The following ARHGEF12 variants were observed in gnomAD, a reference collection of about 807,000 sequenced individuals.
The protein encoded by ARHGEF12 is Rho guanine nucleotide exchange factor 12.
In ARHGEF12, 66 loss-of-function variants were observed where a neutral mutation model predicts 211.2. The observed-to-expected ratio is 0.31, with a 90% CI of 0.26 to 0.38. The LOEUF is 0.38. Ranked by LOEUF, ARHGEF12 falls within the 10% of genes least tolerant of loss-of-function variation. The pLI is 1.00. For synonymous variants in ARHGEF12, 592 were observed against 638.4 expected (o/e 0.93, Z 1.09); for missense variants, 1,429 against 1,869.5 (o/e 0.76, Z 4.34).
At chr11:120,337,300 C>CA (rs1331732773) in intron 1 of ARHGEF12, 25 bp downstream of exon 1, 2 of 1,613,724 alleles carry the variant, frequency 1.2e-6, no homozygotes, top group South Asian at 2.2e-5. Flanking sequence ...CTCCTTCGTT[C>CA]GGCCTCCCGG....
chr11:120,477,479 TAAA>T lies in ARHGEF12; in HGVS notation c.3487_3489del (p.Lys1163del). On this transcript the variant is annotated inframe_deletion, in exon 36 of 41. Transcript: ENST00000397843. Reference sequence around the variant, plus strand: ...AATGATGAAGAAGATCCTTCAAAATTAAAAGAGGAGCAGCATGGCATTTCAGTC... The same window carrying T: ...AATGATGAAGAAGATCCTTCAAAATTAGAGGAGCAGCATGGCATTTCAGTC... The T allele has an allele frequency of 6.2e-7, 1 of 1,611,178 alleles. No individual in the cohort carries two copies. The highest frequency in any genetic ancestry group is 1.1e-5 in the South Asian group (1 of 90,944).
intron 1 of ARHGEF12, among the ~76,000 whole-genome samples, chr11:120,363,405 G>T (rs1943333240): frequency 6.6e-6 from 1 of 152,122 alleles, no homozygotes; most frequent in Non-Finnish European, 1.5e-5. Context: ...CCTGTTTCCA[G>T]AAATGTCTTA....
chr11:120,406,683 C>A (rs12363975), intron 2 of ARHGEF12, among the ~76,000 whole-genome samples: 28,278 of 152,054 alleles, frequency 0.19, 2,957 homozygotes, highest in Non-Finnish European at 0.23. Flanking sequence ...CTCAGCCTCC[C>A]GAGTAGCTGG....
intron 22 of ARHGEF12, among the ~76,000 whole-genome samples, chr11:120,455,863 T>G (rs1196820978): frequency 6.6e-6 from 1 of 152,178 alleles, no homozygotes; most frequent in Non-Finnish European, 1.5e-5. Context: ...TTAGAAATGT[T>G]AAGAAAAACA....
chr11:120,451,721 A>G lies in ARHGEF12; in HGVS notation c.2053A>G (p.Thr685Ala). The G allele has an allele frequency of 6.2e-7, 1 of 1,613,302 alleles. No homozygotes were observed. Among genetic ancestry groups the G allele is most frequent in the South Asian group, 1.1e-5 (1 of 90,868 alleles). ...FSQEGGKEND[T>A]GSKQVGETSA... ...CCAGGAAGGAGGGAAAGAGAATGAT[A>G]CAGGTGAGCTATTACTGTAGTTCAG... is the stretch of plus-strand genomic sequence containing the variant. The change falls in exon 22 of 41, where the codon ACA (threonine) becomes GCA (alanine). Residue 685 changes from threonine to alanine, a missense_variant. Coordinates refer to ENST00000397843, the MANE Select transcript of ARHGEF12 (RefSeq NM_015313.3).
At chr11:120,423,371 A>G (rs989838533) in intron 6 of ARHGEF12, among the ~76,000 whole-genome samples, 2 of 152,176 alleles carry the variant, frequency 1.3e-5, no homozygotes, top group African/African-American at 4.8e-5. Flanking sequence ...AAGAAAGTAT[A>G]TAACATGTGA....
chr11:120,452,382 C>T (rs1255029402), intron 22 of ARHGEF12, among the ~76,000 whole-genome samples: 1 of 152,064 alleles, frequency 6.6e-6, no homozygotes, highest in East Asian at 1.9e-4. Flanking sequence ...GGGCAAGGAG[C>T]TTATTACCAT....
intron 4 of ARHGEF12, among the ~76,000 whole-genome samples, chr11:120,413,706 G>A (rs1315005253): frequency 6.6e-6 from 1 of 152,184 alleles, no homozygotes; most frequent in Non-Finnish European, 1.5e-5. Context: ...CATAAAACAT[G>A]TATGTCTGGC....
intron 3 of ARHGEF12, 141 bp from the exon 4 acceptor site, chr11:120,409,253 T>G (rs780600885): frequency 1.5e-4 from 106 of 691,980 alleles, no homozygotes; most frequent in Middle Eastern, 5.2e-4. Flanking sequence ...CTATTCTAAG[T>G]GCTGTCATCT....
At chr11:120,466,665 A>T (rs1946714290) in intron 28 of ARHGEF12, among the ~76,000 whole-genome samples, 1 of 152,246 alleles carries the variant, frequency 6.6e-6, no homozygotes, top group South Asian at 2.1e-4. Flanking sequence ...TCATTCACTT[A>T]TGCCAAAACA....
chr11:120,457,365 C>G (rs1262913693), intron 23 of ARHGEF12, 115 bp downstream of exon 23: 1 of 1,235,040 alleles, frequency 8.1e-7, no homozygotes, highest in Non-Finnish European at 1.1e-6. Flanking sequence ...TGGTATGTAC[C>G]TATAATGCCA....
chr11:120,453,414 T>G (rs545606330), intron 22 of ARHGEF12, among the ~76,000 whole-genome samples: 5 of 151,944 alleles, frequency 3.3e-5, no homozygotes, highest in Non-Finnish European at 7.4e-5. Flanking sequence ...CTTGGGAGAT[T>G]GAAAGCAGAC....
At chr11:120,374,328 A>T (rs1293290083) in intron 1 of ARHGEF12, among the ~76,000 whole-genome samples, 1 of 152,166 alleles carries the variant, frequency 6.6e-6, no homozygotes, top group East Asian at 1.9e-4. Flanking sequence ...AGCAGTTTTG[A>T]CATTGCTGGG....
chr11:120,362,619 GA>G (rs1450604854), intron 1 of ARHGEF12, among the ~76,000 whole-genome samples: 5 of 152,012 alleles, frequency 3.3e-5, no homozygotes, highest in Non-Finnish European at 5.9e-5. Flanking sequence ...ACTTGTCACT[GA>G]AAAAAAATTC....
chr11:120,355,732 C>G (rs1359235028), intron 1 of ARHGEF12, among the ~76,000 whole-genome samples: 1 of 152,070 alleles, frequency 6.6e-6, no homozygotes, highest in Non-Finnish European at 1.5e-5. Flanking sequence ...TAAAAAAACC[C>G]AGATCTTTTT....
chr11:120,421,725 G>A (rs1205699252), intron 5 of ARHGEF12, 78 bp from the exon 6 acceptor site: 2 of 1,381,926 alleles, frequency 1.4e-6, no homozygotes, highest in Admixed American at 3.5e-5. Context: ...TAACCAGTTT[G>A]TTATACTGTC....
intron 22 of ARHGEF12, among the ~76,000 whole-genome samples, chr11:120,456,665 A>G (rs549863201): frequency 9.9e-5 from 15 of 152,214 alleles, no homozygotes; most frequent in South Asian, 4.2e-4. Context: ...AGTCCTTGCT[A>G]TTTCTTACGT....
intron 3 of ARHGEF12, chr11:120,408,460 C>T (rs527390527): frequency 6.6e-6 from 1 of 152,162 alleles, no homozygotes; most frequent in African/African-American, 2.4e-5. Context: ...AAGCTTACTC[C>T]ATATTTGATT....
chr11:120,437,208 A>C, intron 11 of ARHGEF12, 100 bp from the exon 12 acceptor site: 1 of 745,622 alleles, frequency 1.3e-6, no homozygotes, highest in Non-Finnish European at 2.1e-6. Flanking sequence ...TTGTAAATAC[A>C]AATATGAAAT....
Sources: gnomAD v4.1 joint callset for allele counts (sites outside exome capture counted in the v4.1 genomes callset) on GRCh38, gnomAD v4.1.1 for gene constraint, MANE v1.5 for transcripts, NCBI Gene and HGNC (gene_info 2026-07-23, HGNC 2026-07-21) for gene names.